The following ADAM12 variants were observed in gnomAD, a reference collection of about 807,000 sequenced individuals.
ADAM12 encodes ADAM metallopeptidase domain 12.
In ADAM12, 70 loss-of-function variants were observed where a neutral mutation model predicts 106.4. That is an observed-to-expected ratio of 0.66 (90% CI 0.54 to 0.80). ADAM12 has a LOEUF of 0.80. ADAM12 is among the 30% of genes least tolerant of loss of function. The probability of loss-of-function intolerance (pLI) is 0.00; values close to 1 mark genes in which losing one functional copy is unlikely to be tolerated. For synonymous variants in ADAM12, 420 were observed against 433.5 expected, an observed-to-expected ratio of 0.97 and a Z score of 0.39; for missense variants, 1,010 against 1,171.9, an observed-to-expected ratio of 0.86 and a Z score of 2.02.
intron 5 of ADAM12, among the ~76,000 whole-genome samples, chr10:126,121,029 T>TGCAA (rs1174748641): frequency 1.2e-5 from 1 of 85,878 alleles, no homozygotes; most frequent in East Asian, 4.4e-4. Flanking sequence ...ATATTATATA[T>TGCAA]TATATATGCA....
At chr10:126,350,810 G>T (rs946592528) in intron 1 of ADAM12, among the ~76,000 whole-genome samples, 1 of 152,208 alleles carries the variant, frequency 6.6e-6, no homozygotes, top group Non-Finnish European at 1.5e-5. Flanking sequence ...CACCTGGCCA[G>T]AATTCACGCC....
At chr10:126,255,377 C>T (rs966412237) in intron 3 of ADAM12, among the ~76,000 whole-genome samples, 4 of 152,094 alleles carry the variant, frequency 2.6e-5, no homozygotes, top group Non-Finnish European at 5.9e-5. Flanking sequence ...GATGGTGTCC[C>T]GAGTCCAGCT....
chr10:126,263,114 T>C (rs1959032956), intron 3 of ADAM12, among the ~76,000 whole-genome samples: 2 of 152,212 alleles, frequency 1.3e-5, no homozygotes. Context: ...AGGAATTGTT[T>C]AATTTGTTTT....
At chr10:126,323,506 TGTG>T (rs375866749) in intron 2 of ADAM12, among the ~76,000 whole-genome samples, 1 of 152,230 alleles carries the variant, frequency 6.6e-6, no homozygotes, top group African/African-American at 2.4e-5. Context: ...TCTAAAAAGT[TGTG>T]GTAGTCAGAG....
intron 14 of ADAM12, among the ~76,000 whole-genome samples, chr10:126,057,897 A>AT (rs1160953974): frequency 6.6e-6 from 1 of 152,166 alleles, no homozygotes; most frequent in Non-Finnish European, 1.5e-5. Context: ...TGGGAAATCC[A>AT]TTTTTTATAG....
rs540646603 is a variant in ADAM12 at position 126,313,655 on chromosome 10, C to T, written c.186+16757G>A. ...GCCATCTATCCATCTGTCCATCCGT[C>T]GATCTGTCTGTCTGTCTTCCCACCT... On this transcript the variant is annotated intron_variant, in intron 2 of 22. Transcript: ENST00000448723. 3.3e-4 allele frequency among the ~76,000 whole-genome samples: 50 copies of T among 152,254 alleles called. 1 individual carries two copies. The highest frequency in any genetic ancestry group is 1.0e-3 in the African/African-American group (43 of 41,550).
intron 3 of ADAM12, among the ~76,000 whole-genome samples, chr10:126,262,426 G>A (rs1959020399): frequency 6.6e-6 from 1 of 152,150 alleles, no homozygotes; most frequent in Non-Finnish European, 1.5e-5. Context: ...CAATGACAAT[G>A]TCCTCTGCAA....
intron 3 of ADAM12, among the ~76,000 whole-genome samples, chr10:126,184,716 G>C (rs1049528350): frequency 1.3e-5 from 2 of 152,166 alleles, no homozygotes; most frequent in Non-Finnish European, 2.9e-5. Flanking sequence ...TTTGTGCTTG[G>C]TCTGTTGACA....
chr10:126,042,916 G>C, intron 18 of ADAM12, 124 bp downstream of exon 18: 1 of 852,948 alleles, frequency 1.2e-6, no homozygotes, highest in Non-Finnish European at 1.8e-6. Context: ...AGGCTGTGTA[G>C]ACCCATGTGG....
At chr10:126,182,579 T>C (rs1410858153) in intron 3 of ADAM12, among the ~76,000 whole-genome samples, 6 of 152,174 alleles carry the variant, frequency 3.9e-5, no homozygotes, top group African/African-American at 1.4e-4. Context: ...ACTGGAGGTA[T>C]AGGACTTATC....
chr10:126,227,236 A>G (rs1393619951), intron 3 of ADAM12, among the ~76,000 whole-genome samples: 3 of 152,020 alleles, frequency 2.0e-5, no homozygotes, highest in Non-Finnish European at 4.4e-5. Flanking sequence ...CACTATTACC[A>G]TGATTACCAC....
chr10:126,293,641 C>T (rs1234402828), intron 2 of ADAM12, among the ~76,000 whole-genome samples: 3 of 152,206 alleles, frequency 2.0e-5, no homozygotes, highest in African/African-American at 7.2e-5. Context: ...GCCTCAGCCT[C>T]CTGAGTAGCT....
At chr10:126,185,908 A>G (rs1957391791) in intron 3 of ADAM12, among the ~76,000 whole-genome samples, 1 of 152,232 alleles carries the variant, frequency 6.6e-6, no homozygotes, top group Non-Finnish European at 1.5e-5. Flanking sequence ...TAGCCAGGGA[A>G]ATGAACTAGA....
At chr10:126,018,691 C>A (rs1179575947) in intron 22 of ADAM12, among the ~76,000 whole-genome samples, 1 of 152,142 alleles carries the variant, frequency 6.6e-6, no homozygotes, top group Non-Finnish European at 1.5e-5. Context: ...TCTCACCAAC[C>A]AGGGTAAGCT....
intron 4 of ADAM12, among the ~76,000 whole-genome samples, chr10:126,144,565 G>A (rs1325299352): frequency 3.3e-5 from 5 of 152,090 alleles, no homozygotes. Context: ...CCTGTCACTT[G>A]GCTCTAACTC....
chr10:126,273,595 T>A (rs922370781), intron 3 of ADAM12, among the ~76,000 whole-genome samples: 1 of 152,154 alleles, frequency 6.6e-6, no homozygotes, highest in African/African-American at 2.4e-5. Context: ...GTAAGAACCC[T>A]ACAGCAGCTG....
intron 3 of ADAM12, among the ~76,000 whole-genome samples, chr10:126,171,026 T>C (rs1011781222): frequency 1.2e-4 from 19 of 152,224 alleles, no homozygotes; most frequent in Admixed American, 1.2e-3. Flanking sequence ...CCAATCAATA[T>C]TCTTACAGCT....
At chr10:126,087,821 T>C (rs1052511048) in intron 11 of ADAM12, among the ~76,000 whole-genome samples, 5 of 152,186 alleles carry the variant, frequency 3.3e-5, no homozygotes, top group Admixed American at 6.5e-5. Flanking sequence ...GGGGATTTTT[T>C]TCACTGAAAA....
intron 4 of ADAM12, among the ~76,000 whole-genome samples, chr10:126,136,242 C>T (rs1195210938): frequency 1.3e-5 from 2 of 152,092 alleles, no homozygotes; most frequent in Non-Finnish European, 2.9e-5. Flanking sequence ...GTCATGCCTG[C>T]AATATTCTAT....
Sources: allele counts gnomAD v4.1 joint callset (sites outside exome capture counted in the v4.1 genomes callset), GRCh38; gene constraint gnomAD v4.1.1; transcripts MANE v1.5; gene names NCBI Gene and HGNC (gene_info 2026-07-23, HGNC 2026-07-21).